CEP72: variants seen among roughly 807,000 people sequenced by gnomAD.
The protein encoded by CEP72 is centrosomal protein of 72 kDa.
In CEP72, 78 loss-of-function variants were observed where a neutral mutation model predicts 65.7. That is an observed-to-expected ratio of 1.19 (90% CI 0.99 to 1.43). CEP72 has a LOEUF of 1.43. Ranked by LOEUF, CEP72 falls within the 40% of genes most tolerant of loss-of-function variation. CEP72 has a pLI of 0.00. For missense variants in CEP72, 914 were observed against 832.9 expected, an observed-to-expected ratio of 1.10 and a Z score of -1.20; for synonymous variants, 358 against 351.7, an observed-to-expected ratio of 1.02 and a Z score of -0.20.
At chr5:669,166 CAG>C (rs1320589701), downstream of CEP72, among the ~76,000 whole-genome samples, 2 of 152,190 alleles carry the variant, frequency 1.3e-5, no homozygotes, top group Non-Finnish European at 2.9e-5. Context: ...TTTGGGGAGA[CAG>C]AGCCCCAGGG....
intron 11 of CEP72, 53 bp from the exon 12 acceptor site, chr5:652,935 C>CT: frequency 6.6e-7 from 1 of 1,508,576 alleles, no homozygotes; most frequent in South Asian, 1.3e-5. Flanking sequence ...GTGAGGGCCA[C>CT]ACCGCTGGAG....
chr5:624,860 G>A lies in CEP72; in HGVS notation c.512+281G>A, dbSNP rs1006831529. Among the ~76,000 whole-genome samples, 38 of 152,282 alleles carry A rather than the reference G, an allele frequency of 2.5e-4. No homozygotes were observed. The highest frequency in any genetic ancestry group is 8.9e-4 in the African/African-American group (37 of 41,566). On this transcript the variant is annotated intron_variant, in intron 4 of 11. Transcript: ENST00000264935. This position sits in a 1 kb window ranked among gnomAD's most constrained non-coding sequence, Gnocchi z 4.7. ...AGGGCTTGTCCTGTCCCTTTCCCGG[G>A]GCTGGCAGCTCTCACGTCTGTGGCT...
intron 1 of CEP72, 51 bp downstream of exon 1, chr5:612,494 G>A (rs1453733735): frequency 3.7e-6 from 5 of 1,349,254 alleles, no homozygotes; most frequent in Non-Finnish European, 4.8e-6. Context: ...GGGGGGGTGG[G>A]TGCCGAGCTT....
chr5:658,466 G>A (rs987828827), downstream of CEP72, among the ~76,000 whole-genome samples: 8 of 152,028 alleles, frequency 5.3e-5, no homozygotes, highest in South Asian at 2.1e-4. Flanking sequence ...CTTCATATTC[G>A]TTATTTGAAC....
exon 4 of CEP72, chr5:665,997 G>C (rs1182493645): frequency 6.3e-7 from 1 of 1,583,862 alleles, no homozygotes; most frequent in African/African-American, 1.4e-5. Flanking sequence ...TGGGCGCCTT[G>C]CCCTCGATGA....
chr5:675,505 G>GCGGGGGGCA, the CEP72 span, among the ~76,000 whole-genome samples: 12 of 81,756 alleles, frequency 1.5e-4, no homozygotes, highest in South Asian at 9.5e-4. Context: ...GGCCGGGGCT[G>GCGGGGGGCA]CAGTGTGACC....
intron 1 of CEP72, among the ~76,000 whole-genome samples, chr5:615,528 A>G (rs1049096893): frequency 3.3e-5 from 5 of 152,084 alleles, no homozygotes; most frequent in Non-Finnish European, 4.4e-5. Context: ...TGGTTTTTGC[A>G]TGGCGTATCT....
At chr5:643,013 C>T in intron 9 of CEP72, 1 of 985,482 alleles carries the variant, frequency 1.0e-6, no homozygotes, top group Non-Finnish European at 1.2e-6. Flanking sequence ...AGCTTGGGTG[C>T]AGTCGGTCCT....
chr5:634,265 G>A (rs570391065), intron 5 of CEP72, among the ~76,000 whole-genome samples: 18 of 152,322 alleles, frequency 1.2e-4, no homozygotes, highest in Admixed American at 6.5e-4. Flanking sequence ...TGACATCTGC[G>A]GCAGCTGCAG....
chr5:674,694 C>T, the CEP72 span, among the ~76,000 whole-genome samples: 33 of 152,028 alleles, frequency 2.2e-4, no homozygotes, highest in African/African-American at 6.5e-4. Flanking sequence ...AGGCCCACAC[C>T]GCATGGCCCG....
chr5:629,307 G>T (rs1050965175), intron 4 of CEP72, among the ~76,000 whole-genome samples: 1 of 152,262 alleles, frequency 6.6e-6, no homozygotes, highest in Non-Finnish European at 1.5e-5. Context: ...TCTTGATCAC[G>T]TGTATCTCCT....
chr5:614,808 G>T (rs527548733), intron 1 of CEP72, among the ~76,000 whole-genome samples: 9 of 152,268 alleles, frequency 5.9e-5, no homozygotes, highest in African/African-American at 1.9e-4. Context: ...TTATGATCCA[G>T]CATCTGGTCT....
chr5:636,413 G>C (rs1449367600), intron 6 of CEP72, among the ~76,000 whole-genome samples: 1 of 152,186 alleles, frequency 6.6e-6, no homozygotes, highest in African/African-American at 2.4e-5. Flanking sequence ...CCCAGGTTAT[G>C]GCAATAGCTA....
chr5:658,208 T>C (rs548984718), downstream of CEP72, among the ~76,000 whole-genome samples: 1 of 152,368 alleles, frequency 6.6e-6, no homozygotes, highest in East Asian at 1.9e-4. Context: ...GCTGTCAGGC[T>C]GTGCCTGGGC....
At chr5:617,465 C>T (rs1256386220) in intron 1 of CEP72, among the ~76,000 whole-genome samples, 1 of 152,136 alleles carries the variant, frequency 6.6e-6, no homozygotes, top group Non-Finnish European at 1.5e-5. Context: ...GTCAGGAGTT[C>T]GAGACCAGCC....
chr5:612,529 C>T, intron 1 of CEP72, 86 bp downstream of exon 1: 1 of 1,305,206 alleles, frequency 7.7e-7, no homozygotes, highest in South Asian at 2.1e-5. Flanking sequence ...GGACCGTGGG[C>T]AGGCGGGACC....
chr5:664,107 G>C (rs1739799056), intron 2 of CEP72: 2 of 152,620 alleles, frequency 1.3e-5, no homozygotes, highest in South Asian at 4.1e-4. Context: ...GATTGGCCAG[G>C]AGAGGTTAGG....
intron 9 of CEP72, chr5:644,028 A>T: frequency 2.6e-6 from 1 of 390,264 alleles, no homozygotes; most frequent in Non-Finnish European, 4.7e-6. Context: ...CACATGCCTC[A>T]GGGAGACTCA....
chr5:631,913 T>C (rs1737215489), intron 4 of CEP72, among the ~76,000 whole-genome samples: 1 of 48,082 alleles, frequency 2.1e-5, no homozygotes. Context: ...GTGCCGGGAT[T>C]TGGCCCAGTC....
Sources: gnomAD v4.1 joint callset for allele counts (sites outside exome capture counted in the v4.1 genomes callset) on GRCh38, gnomAD v4.1.1 for gene constraint, Gnocchi (gnomAD v3.1) non-coding constraint, MANE v1.5 for transcripts, NCBI Gene and HGNC (gene_info 2026-07-23, HGNC 2026-07-21) for gene names.